Variants in HMX1 observed in about 807,000 individuals in gnomAD.
The protein encoded by HMX1 is homeobox protein HMX1.
Under a neutral mutation model 8.9 loss-of-function variants are expected in HMX1, and 8 were observed. The observed-to-expected ratio is 0.90, with a 90% CI of 0.53 to 1.63. HMX1 has a LOEUF of 1.63. Among genes scored for constraint, HMX1 ranks in the 40% most tolerant of loss-of-function variants. The pLI, the probability that HMX1 is intolerant of heterozygous loss-of-function variation, is 0.00. For missense variants in HMX1, 621 were observed against 558.5 expected (o/e 1.11, Z -1.13); for synonymous variants, 311 against 283.4 (o/e 1.10, Z -0.98).
intron 1 of HMX1, among the ~76,000 whole-genome samples, chr4:8,857,755 G>T (rs1293177767): frequency 6.6e-6 from 1 of 152,162 alleles, no homozygotes; most frequent in Non-Finnish European, 1.5e-5. Flanking sequence ...CATTTTACGC[G>T]ACAGGGGACT....
chr4:8,870,610 CTG>C lies in HMX1; in HGVS notation c.394+609_394+610del, dbSNP rs1491485903. On this transcript the variant is annotated intron_variant, in intron 1 of 1. Coordinates refer to ENST00000400677, the MANE Select transcript of HMX1 (RefSeq NM_018942.3). The surrounding 1 kb of genome is among the most constrained non-coding windows in gnomAD (Gnocchi z 4.4). ...CAGCGGGCACAGAGGAAACAGGACT[CTG>C]GGGGGGCACAGCTGCCATGTTAGAT... Among the ~76,000 whole-genome samples, 2 of 152,254 alleles carry C rather than the reference CTG, an allele frequency of 1.3e-5. No individual in the cohort carries two copies. Among genetic ancestry groups the C allele is most frequent in the East Asian group, 3.9e-4 (2 of 5,164 alleles).
Position 8,871,770 on chromosome 4 carries a change from G to C in HMX1, c.-156C>G, listed in dbSNP as rs1722235873. ...GGGCAGGCGGCGGCCTCCGCGCCGGGCTGGGCTGGGCCGGGCCGGGAGCGA... is the reference window on the plus strand; with the variant it reads ...GGGCAGGCGGCGGCCTCCGCGCCGGCCTGGGCTGGGCCGGGCCGGGAGCGA... On this transcript the variant is annotated 5_prime_UTR_variant, in exon 1 of 2. Transcript: ENST00000400677. The surrounding 1 kb of genome is among the most constrained non-coding windows in gnomAD (Gnocchi z 4.8). 3.2e-6 allele frequency: 3 copies of C among 933,256 alleles called. No individual in the cohort carries two copies. Among genetic ancestry groups the C allele is most frequent in the Non-Finnish European group, 3.8e-6 (3 of 780,914 alleles). The allele number at this position is 933,256 out of a possible 1,614,324, so 57.8% of individuals were successfully genotyped here.
rs2109474052 is a variant in HMX1, at chr4:8,868,526, C to A, written c.395-181G>T. 3.3e-5 allele frequency among the ~76,000 whole-genome samples: 5 copies of A among 152,306 alleles called. No homozygotes were observed. In the Middle Eastern group the frequency reaches 0.017, roughly 518 times the overall value. ...ACATTGTCAGAACCGTGGGAGGCGGCCCAGAGACCAGGCAGCAGCTCCAAA... is the reference window on the plus strand; with the variant it reads ...ACATTGTCAGAACCGTGGGAGGCGGACCAGAGACCAGGCAGCAGCTCCAAA... On this transcript the variant is annotated intron_variant, in intron 1 of 1. Transcript: ENST00000400677. The surrounding 1 kb of genome is among the most constrained non-coding windows in gnomAD (Gnocchi z 4.6).
In HMX1 at chr4:8,847,139, A is replaced by C. The variant is rs1470080122; in HGVS notation, c.395-815T>G. Among the ~76,000 whole-genome samples, 1 of 152,176 alleles carries C rather than the reference A, an allele frequency of 6.6e-6. No homozygotes were observed. The highest frequency in any genetic ancestry group is 2.4e-5 in the African/African-American group (1 of 41,432). ...AGGGCTCTAAGAAAGTCTACAAATA[A>C]AAGTACAAAGCCATTGAGCCGGGCG... On this transcript the variant is annotated intron_variant, in intron 1 of 1. Transcript: ENST00000506970. The surrounding 1 kb of genome is among the most constrained non-coding windows in gnomAD (Gnocchi z 6.0).
At chr4:8,860,694 C>G (rs1254631735) in intron 1 of HMX1, 1 of 152,316 alleles carries the variant, frequency 6.6e-6, no homozygotes, top group African/African-American at 2.4e-5. Context: ...GGGTTAACAC[C>G]GCTTCCTTCC....
chr4:8,867,339 T>A lies in HMX1; in HGVS notation c.*354A>T. 1 of 1,005,432 alleles carries A rather than the reference T, an allele frequency of 9.9e-7. No individual in the cohort carries two copies. Among genetic ancestry groups the A allele is most frequent in the Non-Finnish European group, 1.2e-6 (1 of 843,438 alleles). The allele number at this position is 1,005,432 out of a possible 1,614,324, so 62.3% of individuals were successfully genotyped here. A position where few individuals can be genotyped will look rare whatever the true frequency, so the allele number is the denominator to read the frequency against. ...ACAGCCGGTTCGTAGTTTTCCTTTGTTGCGCTGGGCTTGGCCTGAGGGCAG... is the reference window on the plus strand; with the variant it reads ...ACAGCCGGTTCGTAGTTTTCCTTTGATGCGCTGGGCTTGGCCTGAGGGCAG... On this transcript the variant is annotated 3_prime_UTR_variant, in exon 2 of 2. Transcript: ENST00000400677.
chr4:8,858,242 C>A (rs1577195211), intron 1 of HMX1, among the ~76,000 whole-genome samples: 1 of 152,194 alleles, frequency 6.6e-6, no homozygotes, highest in East Asian at 1.9e-4. Context: ...GAGCTGGAGC[C>A]CCGAGAGCGC....
downstream of HMX1, among the ~76,000 whole-genome samples, chr4:8,864,786 G>A (rs1023627288): frequency 6.6e-6 from 1 of 152,214 alleles, no homozygotes; most frequent in African/African-American, 2.4e-5. Flanking sequence ...CCAGGCCCCA[G>A]CCCTTCCCTG....
intron 1 of HMX1, among the ~76,000 whole-genome samples, chr4:8,855,443 G>C (rs1354544311): frequency 1.3e-5 from 2 of 152,198 alleles, no homozygotes; most frequent in East Asian, 1.9e-4. Context: ...GGGAATGCAA[G>C]GGAGGCAACG....
Position 8,871,635 on chromosome 4 carries a change from G to A in HMX1, c.-21C>T, listed in dbSNP as rs1378290217. ...GGCATCGCGGCCGCGGGCTTCTCGGGCTCGGCCGGGCTCCTCGGTCCCCGC... is the reference window on the plus strand; with the variant it reads ...GGCATCGCGGCCGCGGGCTTCTCGGACTCGGCCGGGCTCCTCGGTCCCCGC... On this transcript the variant is annotated 5_prime_UTR_variant, in exon 1 of 2. Coordinates refer to ENST00000400677, the MANE Select transcript of HMX1 (RefSeq NM_018942.3). This position sits in a 1 kb window ranked among gnomAD's most constrained non-coding sequence, Gnocchi z 4.8. 2 of 1,237,280 alleles carry A rather than the reference G, an allele frequency of 1.6e-6. No individual in the cohort carries two copies. The highest frequency in any genetic ancestry group is 2.7e-5 in the South Asian group (1 of 36,584). 76.6% of individuals were successfully genotyped at this position (1,237,280 alleles called of 1,614,324 possible). A position where few individuals can be genotyped will look rare whatever the true frequency, so the allele number is the denominator to read the frequency against.
chr4:8,856,456 G>A (rs944923817), intron 1 of HMX1, among the ~76,000 whole-genome samples: 7 of 152,236 alleles, frequency 4.6e-5, no homozygotes, highest in African/African-American at 1.4e-4. Flanking sequence ...TGGTACAAAT[G>A]AAGACTAGGA....
chr4:8,871,149 G>C lies in HMX1; in HGVS notation c.394+72C>G. ...CAGAACGGGCGGCGACGAGCCCGAA[G>C]TCCCCCAGCAAATGCGCAGGGAGGA... On this transcript the variant is annotated intron_variant, in intron 1 of 1. Coordinates refer to ENST00000400677, the MANE Select transcript of HMX1 (RefSeq NM_018942.3). The surrounding 1 kb of genome is among the most constrained non-coding windows in gnomAD (Gnocchi z 4.8). The C allele has an allele frequency of 2.3e-6, 3 of 1,283,674 alleles. No individual in the cohort carries two copies. In the South Asian group the frequency reaches 5.1e-5, roughly 22 times the overall value. 79.5% of individuals were successfully genotyped at this position (1,283,674 alleles called of 1,614,324 possible).
At chr4:8,855,346 G>T (rs996202731) in intron 1 of HMX1, among the ~76,000 whole-genome samples, 9 of 152,256 alleles carry the variant, frequency 5.9e-5, no homozygotes, top group African/African-American at 2.2e-4. Flanking sequence ...GCCCTGAGCA[G>T]CTTGCTGGGA....
rs1200871298 is a variant in HMX1 at position 8,867,356 on chromosome 4, T to C, written c.*337A>G. The C allele has an allele frequency of 3.9e-6, 4 of 1,020,442 alleles. No homozygotes were observed. Among genetic ancestry groups the C allele is most frequent in the Non-Finnish European group, 4.7e-6 (4 of 853,610 alleles). The allele number at this position is 1,020,442 out of a possible 1,614,324, so 63.2% of individuals were successfully genotyped here. ...TTCCTTTGTTGCGCTGGGCTTGGCC[T>C]GAGGGCAGCTGCCCCGGGTGGCCAT... On this transcript the variant is annotated 3_prime_UTR_variant, in exon 2 of 2. Coordinates refer to ENST00000400677, the MANE Select transcript of HMX1 (RefSeq NM_018942.3).
chr4:8,864,435 C>T (rs1008536931), downstream of HMX1, among the ~76,000 whole-genome samples: 5 of 152,120 alleles, frequency 3.3e-5, no homozygotes, highest in South Asian at 2.1e-4. Flanking sequence ...GTGGAACCCG[C>T]GAGGGGGGAG....
Position 8,853,263 on chromosome 4 carries a change from C to G in HMX1, c.395-6939G>C, listed in dbSNP as rs778139348. Among the ~76,000 whole-genome samples the G allele has an allele frequency of 6.6e-6, 1 of 152,166 alleles. No individual in the cohort carries two copies. The highest frequency in any genetic ancestry group is 2.4e-5 in the African/African-American group (1 of 41,428). On this transcript the variant is annotated intron_variant, in intron 1 of 1. Coordinates refer to the HMX1 transcript ENST00000506970. The surrounding 1 kb of genome is among the most constrained non-coding windows in gnomAD (Gnocchi z 4.7). ...CCATCCAGGAGGTAGGACAGCTCTG[C>G]CCCAGGTCACCAGGGACCTGGCTCC...
chr4:8,858,284 G>T (rs142266447), intron 1 of HMX1, among the ~76,000 whole-genome samples: 10 of 152,124 alleles, frequency 6.6e-5, no homozygotes, highest in Non-Finnish European at 1.5e-4. Flanking sequence ...ACCGCGGGAG[G>T]GGGTGAGAAG....
chr4:8,867,744 C>A lies in HMX1; in HGVS notation c.996G>T (p.Pro332=). 7.8e-7 allele frequency: 1 copy of A among 1,289,794 alleles called. No homozygotes were observed. Among genetic ancestry groups the A allele is most frequent in the Non-Finnish European group, 9.8e-7 (1 of 1,022,304 alleles). 79.9% of individuals were successfully genotyped at this position (1,289,794 alleles called of 1,614,324 possible). ...GALAYPLAAF[P]AAASVPFLRA... ...GCAGAAAGGGCACGGAGGCGGCGGC[C>A]GGGAAGGCGGCCAGCGGGTAGGCGA... is the stretch of plus-strand genomic sequence containing the variant. Residue 332 remains proline (P), a synonymous_variant, in exon 2 of 2, where the codon CCG becomes CCT. Coordinates refer to ENST00000400677, the MANE Select transcript of HMX1 (RefSeq NM_018942.3).
chr4:8,867,602 C>T lies in HMX1; in HGVS notation c.*91G>A, dbSNP rs528642801. 4.2e-6 allele frequency: 5 copies of T among 1,190,586 alleles called. No individual in the cohort carries two copies. The highest frequency in any genetic ancestry group is 5.2e-6 in the Non-Finnish European group (5 of 961,246). 73.8% of individuals were successfully genotyped at this position (1,190,586 alleles called of 1,614,324 possible). A position where few individuals can be genotyped will look rare whatever the true frequency, so the allele number is the denominator to read the frequency against. On this transcript the variant is annotated 3_prime_UTR_variant, in exon 2 of 2. Transcript: ENST00000400677. The stretch of plus-strand genomic sequence containing the variant: ...GAGGCCGCAGGAGCGACCATCCCTT[C>T]CCTAACGCCCCCTGAGCCCTGCGCC...
Sources: gnomAD v4.1 joint callset for allele counts (sites outside exome capture counted in the v4.1 genomes callset) on GRCh38, gnomAD v4.1.1 for gene constraint, Gnocchi (gnomAD v3.1) non-coding constraint, MANE v1.5 for transcripts, NCBI Gene and HGNC (gene_info 2026-07-23, HGNC 2026-07-21) for gene names.